ATP8A2: variants seen among roughly 807,000 people sequenced by gnomAD.
ATP8A2 encodes ATPase phospholipid transporting 8A2.
Under a neutral mutation model 165.6 loss-of-function variants are expected in ATP8A2, and 100 were observed. The observed-to-expected ratio is 0.60, with a 90% CI of 0.51 to 0.71. The LOEUF (loss-of-function observed/expected upper bound fraction) is 0.71, where lower values mean the gene tolerates loss of function less well. Among genes scored for constraint, ATP8A2 ranks in the 30% least tolerant of loss-of-function variants. The pLI is 0.00. For missense variants in ATP8A2, 1,227 were observed against 1,479.5 expected (o/e 0.83, Z 2.80); for synonymous variants, 543 against 548.8 (o/e 0.99, Z 0.15).
intron 2 of ATP8A2, among the ~76,000 whole-genome samples, chr13:25,511,485 G>A (rs921019943): frequency 6.6e-6 from 1 of 152,106 alleles, no homozygotes; most frequent in Non-Finnish European, 1.5e-5. Flanking sequence ...GGAGTGGGGT[G>A]GGGGGTTGCT....
intron 2 of ATP8A2, among the ~76,000 whole-genome samples, chr13:25,472,174 A>C (rs1460556721): frequency 1.3e-5 from 2 of 152,180 alleles, no homozygotes; most frequent in Non-Finnish European, 2.9e-5. Context: ...TGGGTGGATC[A>C]CTTGAAGCCA....
intron 19 of ATP8A2, among the ~76,000 whole-genome samples, chr13:25,575,495 A>T (rs1208452747): frequency 6.6e-6 from 1 of 152,244 alleles, no homozygotes; most frequent in African/African-American, 2.4e-5. Context: ...GTACTAAAGC[A>T]AAGTTCTGTT....
intron 2 of ATP8A2, among the ~76,000 whole-genome samples, chr13:25,484,674 C>T (rs2137603610): frequency 6.6e-6 from 1 of 151,830 alleles, no homozygotes; most frequent in East Asian, 1.9e-4. Context: ...ACCAGCAGGC[C>T]CGGCTAATTT....
chr13:25,786,809 T>A (rs2138382153), intron 27 of ATP8A2, among the ~76,000 whole-genome samples: 1 of 148,238 alleles, frequency 6.7e-6, no homozygotes, highest in South Asian at 2.1e-4. Flanking sequence ...CAGGCTGGAG[T>A]GCAGTGGTGG....
intron 27 of ATP8A2, among the ~76,000 whole-genome samples, chr13:25,823,157 G>A (rs925820164): frequency 1.3e-5 from 2 of 152,144 alleles, no homozygotes; most frequent in African/African-American, 4.8e-5. Flanking sequence ...TGATTGTGTT[G>A]GGCTTTGTAA....
chr13:25,866,893 A>G (rs2138786399), intron 33 of ATP8A2, among the ~76,000 whole-genome samples: 1 of 152,330 alleles, frequency 6.6e-6, no homozygotes, highest in African/African-American at 2.4e-5. Flanking sequence ...GTTACGTAGG[A>G]TGCCAGCTGG....
chr13:25,495,486 G>A (rs1194175744), intron 2 of ATP8A2, among the ~76,000 whole-genome samples: 1 of 152,076 alleles, frequency 6.6e-6, no homozygotes, highest in African/African-American at 2.4e-5. Flanking sequence ...AAGAGACAGA[G>A]TCTTGCTCTG....
intron 25 of ATP8A2, among the ~76,000 whole-genome samples, chr13:25,746,175 A>G (rs1206449590): frequency 6.6e-6 from 1 of 152,242 alleles, no homozygotes; most frequent in African/African-American, 2.4e-5. Flanking sequence ...GGCATTCTCA[A>G]TGATGTTCTC....
intron 30 of ATP8A2, 53 bp from the exon 31 acceptor site, chr13:25,860,142 A>C: frequency 8.4e-7 from 1 of 1,185,298 alleles, no homozygotes; most frequent in South Asian, 1.2e-5. Flanking sequence ...TGAGTTAAAT[A>C]GGTGGCCATG....
At chr13:25,502,538 T>C (rs1327426387) in intron 2 of ATP8A2, among the ~76,000 whole-genome samples, 2 of 152,224 alleles carry the variant, frequency 1.3e-5, no homozygotes, top group African/African-American at 4.8e-5. Flanking sequence ...CAGACAGGAA[T>C]GTGAAACATG....
intron 1 of ATP8A2, among the ~76,000 whole-genome samples, chr13:25,405,763 A>G (rs2033782204): frequency 6.6e-6 from 1 of 152,234 alleles, no homozygotes; most frequent in Admixed American, 6.5e-5. Context: ...CATTATATAC[A>G]CTATTGTGCT....
intron 24 of ATP8A2, among the ~76,000 whole-genome samples, chr13:25,602,606 C>T (rs150222947): frequency 2.6e-5 from 4 of 152,196 alleles, no homozygotes; most frequent in East Asian, 1.9e-4. Flanking sequence ...AGGCAAAGGC[C>T]GATGCTCCCC....
chr13:25,413,280 T>TTA (rs2034028408), intron 1 of ATP8A2, among the ~76,000 whole-genome samples: 2 of 58,118 alleles, frequency 3.4e-5, no homozygotes, highest in South Asian at 1.1e-3. Context: ...TTTTCTTTGT[T>TTA]TTTTTTTTTT....
intron 34 of ATP8A2, among the ~76,000 whole-genome samples, chr13:25,964,692 G>A (rs9645863): frequency 0.074 from 11,218 of 152,274 alleles, 447 homozygotes; most frequent in Admixed American, 0.12. Context: ...CCCAGAAAGG[G>A]TGTGTATTTG....
intron 24 of ATP8A2, among the ~76,000 whole-genome samples, chr13:25,615,466 C>T (rs562747297): frequency 3.9e-5 from 6 of 152,282 alleles, no homozygotes; most frequent in Admixed American, 3.9e-4. Context: ...AGGCTACCAG[C>T]CTCTCGCTGA....
intron 13 of ATP8A2, among the ~76,000 whole-genome samples, chr13:25,557,598 T>G (rs2039018871): frequency 6.6e-6 from 1 of 152,212 alleles, no homozygotes. Context: ...GTAGTGTCCA[T>G]TTCTCTCTGG....
intron 1 of ATP8A2, among the ~76,000 whole-genome samples, chr13:25,452,553 T>C (rs1372727791): frequency 6.6e-6 from 1 of 152,182 alleles, no homozygotes; most frequent in African/African-American, 2.4e-5. Flanking sequence ...TAAGTATACA[T>C]TAGTAATTCA....
intron 30 of ATP8A2, among the ~76,000 whole-genome samples, chr13:25,845,494 C>T (rs1951839928): frequency 6.6e-6 from 1 of 152,176 alleles, no homozygotes; most frequent in Non-Finnish European, 1.5e-5. Flanking sequence ...GTAGAAACTG[C>T]TCCCTCACCG....
At chr13:25,719,470 G>A (rs899967152) in intron 25 of ATP8A2, among the ~76,000 whole-genome samples, 1 of 149,822 alleles carries the variant, frequency 6.7e-6, no homozygotes, top group Admixed American at 6.7e-5. Flanking sequence ...TGGATGGGTG[G>A]ATGGATGGAT....
Sources: allele counts gnomAD v4.1 joint callset (sites outside exome capture counted in the v4.1 genomes callset), GRCh38; gene constraint gnomAD v4.1.1; transcripts MANE v1.5; gene names NCBI Gene and HGNC (gene_info 2026-07-23, HGNC 2026-07-21).